Variants in SMARCE1 observed in about 807,000 individuals in gnomAD.
SMARCE1 encodes the protein SWI/SNF-related matrix-associated actin-dependent regulator of chromatin subfamily E member 1.
In SMARCE1, 13 loss-of-function variants were observed where a neutral mutation model predicts 54.9. The observed-to-expected ratio is 0.24, with a 90% confidence interval of 0.15 to 0.38. SMARCE1 has a LOEUF of 0.38. Among genes scored for constraint, SMARCE1 ranks in the 10% least tolerant of loss-of-function variants. The pLI is 1.00. For missense variants in SMARCE1, 295 were observed against 523.8 expected (o/e 0.56, Z 4.26); for synonymous variants, 151 against 175.3 (o/e 0.86, Z 1.10).
chr17:40,639,938 A>G (rs1411354401), intron 4 of SMARCE1: 2 of 152,116 alleles, frequency 1.3e-5, no homozygotes, highest in Non-Finnish European at 2.9e-5. Flanking sequence ...ATGTGTTTCC[A>G]TTTTTGAACT....
At position 40,636,524 on chromosome 17, in the gene SMARCE1, G is replaced by T; in HGVS notation, c.240C>A (p.Val80=). The T allele has an allele frequency of 6.2e-7, 1 of 1,610,590 alleles. No homozygotes were observed. Among genetic ancestry groups the T allele is most frequent in the South Asian group, 1.1e-5 (1 of 90,962 alleles). ...GGTTGGAAGCCTTTACTTGGTCCCAGACCTTAAAAAGAAAACAGATGAAAT... is the reference window on the plus strand; with the variant it reads ...GGTTGGAAGCCTTTACTTGGTCCCATACCTTAAAAAGAAAACAGATGAAAT... ...LMPYMRYSRK[V]WDQVKASNPD... Residue 80 remains valine, a splice_region_variant and synonymous_variant, in exon 6 of 11, where the codon GTC becomes GTA. Coordinates refer to ENST00000348513, the MANE Select transcript of SMARCE1 (RefSeq NM_003079.5).
chr17:40,644,291 A>G (rs2037229327), intron 3 of SMARCE1: 1 of 152,162 alleles, frequency 6.6e-6, no homozygotes, highest in African/African-American at 2.4e-5. Flanking sequence ...AGCATAAATA[A>G]TAAGAATCAC....
At chr17:40,645,346 T>A in intron 3 of SMARCE1, 1 of 419,686 alleles carries the variant, frequency 2.4e-6, no homozygotes, top group Admixed American at 4.4e-5. Flanking sequence ...CAAAACAAAC[T>A]GAGCACAGGA....
At chr17:40,633,459 G>A (rs907510650) in intron 7 of SMARCE1, 3 of 151,698 alleles carry the variant, frequency 2.0e-5, no homozygotes, top group African/African-American at 7.3e-5. Flanking sequence ...AAAAAAAAGA[G>A]CTTTCTCTTT....
intron 10 of SMARCE1, 163 bp from the exon 11 acceptor site, chr17:40,629,156 A>T: frequency 1.7e-6 from 1 of 591,548 alleles, no homozygotes; most frequent in Admixed American, 3.1e-5. Context: ...AGAATGTTGG[A>T]ACAATTTGGG....
chr17:40,629,736 T>C (rs2037071099), intron 10 of SMARCE1: 2 of 396,092 alleles, frequency 5.0e-6, no homozygotes, highest in Non-Finnish European at 4.4e-6. Context: ...TGAGTGTTTG[T>C]CTAGTTGCAA....
chr17:40,632,552 A>G (rs994637584), intron 7 of SMARCE1, 185 bp from the exon 8 acceptor site: 1 of 557,906 alleles, frequency 1.8e-6, no homozygotes, highest in Non-Finnish European at 3.2e-6. Flanking sequence ...TAATGTGTTC[A>G]TTGGCCAAGG....
At chr17:40,635,866 A>C in intron 7 of SMARCE1, 65 bp downstream of exon 7, 1 of 1,189,350 alleles carries the variant, frequency 8.4e-7, no homozygotes, top group African/African-American at 1.6e-5. Flanking sequence ...ACTTATACTT[A>C]AGAGATTTCT....
At position 40,626,254 on chromosome 17, in the gene SMARCE1, G is replaced by C. The variant is rs1459355201; in HGVS notation, c.*2531C>G. 6 of 152,038 alleles carry C rather than the reference G, an allele frequency of 3.9e-5. No homozygotes were observed. Among genetic ancestry groups the C allele is most frequent in the Admixed American group, 3.9e-4 (6 of 15,248 alleles). The allele number at this position is 152,038 out of a possible 1,614,324, so 9.4% of individuals were successfully genotyped here. On this transcript the variant is annotated 3_prime_UTR_variant, in exon 11 of 11. Coordinates refer to ENST00000348513, the MANE Select transcript of SMARCE1 (RefSeq NM_003079.5). ...AAAGGAAAATTGGGTGACTATCGAG[G>C]ATTCCCCTCTCCCATTTGTTAAAAA...
At chr17:40,633,650 C>A (rs983131719) in intron 7 of SMARCE1, 3 of 147,906 alleles carry the variant, frequency 2.0e-5, no homozygotes, top group African/African-American at 7.3e-5. Flanking sequence ...TTAAGTAGTT[C>A]CTAAAATTCT....
rs2037048482 is a variant in SMARCE1, at chr17:40,627,608, T to C, written c.*1177A>G. On this transcript the variant is annotated 3_prime_UTR_variant, in exon 11 of 11. Transcript: ENST00000348513. Reference sequence around the variant, plus strand: ...GACAAGGGCCCTGAGTACACAAATTTATAATGGCTGAGTGGTCATTCCACA... The same window carrying C: ...GACAAGGGCCCTGAGTACACAAATTCATAATGGCTGAGTGGTCATTCCACA... 1 of 152,596 alleles carries C rather than the reference T, an allele frequency of 6.6e-6. No individual in the cohort carries two copies. The highest frequency in any genetic ancestry group is 1.5e-5 in the Non-Finnish European group (1 of 68,040). The allele number at this position is 152,596 out of a possible 1,614,324, so 9.5% of individuals were successfully genotyped here.
chr17:40,642,513 T>A lies in SMARCE1; in HGVS notation c.98A>T (p.His33Leu). ...PGFVGYNPYSHLAYNNYRLGG... is the reference protein window; with the variant it reads ...PGFVGYNPYSLLAYNNYRLGG... ...CAGCCTGTAGTTGTTGTAGGCGAGATGACTGTATGGATTGTATCCCACAAA... is the reference window on the plus strand; with the variant it reads ...CAGCCTGTAGTTGTTGTAGGCGAGAAGACTGTATGGATTGTATCCCACAAA... The change falls in exon 4 of 11, where the codon CAT becomes CTT. Residue 33 changes from histidine to leucine, a missense_variant. By Grantham distance (99) the His-to-Leu change is moderately conservative. Coordinates refer to ENST00000348513, the MANE Select transcript of SMARCE1 (RefSeq NM_003079.5). This position sits in a 1 kb window ranked among gnomAD's most constrained non-coding sequence, Gnocchi z 4.6. 6.2e-7 allele frequency: 1 copy of A among 1,612,622 alleles called. No homozygotes were observed. Among genetic ancestry groups the A allele is most frequent in the Non-Finnish European group, 8.5e-7 (1 of 1,179,732 alleles).
chr17:40,625,548 T>TAA lies in SMARCE1; in HGVS notation c.*3235_*3236dup, dbSNP rs1401833700. The TAA allele has an allele frequency of 1.4e-5, 2 of 144,728 alleles. No individual in the cohort carries two copies. The highest frequency in any genetic ancestry group is 5.3e-5 in the African/African-American group (2 of 37,610). 9.0% of individuals were successfully genotyped at this position (144,728 alleles called of 1,614,324 possible). On this transcript the variant is annotated 3_prime_UTR_variant, in exon 11 of 11. Coordinates refer to ENST00000348513, the MANE Select transcript of SMARCE1 (RefSeq NM_003079.5). ...GGAAACTATTTCTGAAATGAGGACT[T>TAA]AAAGTATAATACCAGCTTCACTGCC...
In SMARCE1 at chr17:40,642,692, T is replaced by G. The variant is rs1307312463; in HGVS notation, c.52-133A>C. ...TAAACAAGCAATGATGTGTTGTAAT[T>G]GTTCTTTTTTTCCACTGAGGAAATT... On this transcript the variant is annotated intron_variant, in intron 3 of 10. Transcript: ENST00000348513. This position sits in a 1 kb window ranked among gnomAD's most constrained non-coding sequence, Gnocchi z 4.6. 3.8e-5 allele frequency: 23 copies of G among 603,730 alleles called. No individual in the cohort carries two copies. The allele number at this position is 603,730 out of a possible 1,614,324, so 37.4% of individuals were successfully genotyped here.
chr17:40,635,916 CT>C lies in SMARCE1; in HGVS notation c.541+14del, dbSNP rs766497450. On this transcript the variant is annotated intron_variant, in intron 7 of 10. Transcript: ENST00000348513. ...CAGAGAAAGCATAAACAAAACCCCACTTTTTTTCTTTTACCATCTGGATCTT... is the reference window on the plus strand; with the variant it reads ...CAGAGAAAGCATAAACAAAACCCCACTTTTTTCTTTTACCATCTGGATCTT... 13 of 1,543,390 alleles carry C rather than the reference CT, an allele frequency of 8.4e-6. No individual in the cohort carries two copies. The highest frequency in any genetic ancestry group is 6.4e-5 in the South Asian group (5 of 77,736).
intron 10 of SMARCE1, chr17:40,630,408 T>G (rs2037080966): frequency 1.5e-6 from 1 of 651,376 alleles, no homozygotes; most frequent in Non-Finnish European, 2.8e-6. Flanking sequence ...CAAACAAGTG[T>G]GGCTGTGTTC....
At chr17:40,636,993 A>G (rs1344803628) in intron 5 of SMARCE1, 1 of 154,100 alleles carries the variant, frequency 6.5e-6, no homozygotes, top group African/African-American at 2.5e-5. Flanking sequence ...GATATTGGCT[A>G]CTTTTTTTAT....
chr17:40,637,029 CAA>C (rs398041688), intron 5 of SMARCE1: 1,351 of 101,302 alleles, frequency 0.013, 18 homozygotes, highest in African/African-American at 0.044. Flanking sequence ...GGCTCATCAC[CAA>C]AAAAAAAAAA....
At chr17:40,639,645 A>G (rs2037178384) in intron 4 of SMARCE1, among the ~76,000 whole-genome samples, 1 of 152,152 alleles carries the variant, frequency 6.6e-6, no homozygotes, top group Non-Finnish European at 1.5e-5. Context: ...AAAAACCCAA[A>G]CTAAAAAAAC....
Sources: gnomAD v4.1 joint callset for allele counts (sites outside exome capture counted in the v4.1 genomes callset) on GRCh38, gnomAD v4.1.1 for gene constraint, Gnocchi (gnomAD v3.1) non-coding constraint, MANE v1.5 for transcripts, NCBI Gene and HGNC (gene_info 2026-07-23, HGNC 2026-07-21) for gene names.